The following CROT variants were observed in gnomAD, a reference collection of about 807,000 sequenced individuals.
CROT encodes peroxisomal carnitine O-octanoyltransferase.
In CROT, 84 loss-of-function variants were observed where a neutral mutation model predicts 89.2. The observed-to-expected ratio is 0.94, with a 90% CI of 0.79 to 1.13. CROT has a LOEUF of 1.13. CROT is among the 50% of genes most tolerant of loss of function. CROT has a pLI of 0.00. For synonymous variants in CROT, 212 were observed against 239.5 expected, an observed-to-expected ratio of 0.89 and a Z score of 1.06; for missense variants, 711 against 727.8, an observed-to-expected ratio of 0.98 and a Z score of 0.27.
chr7:87,378,586 A>G (rs1433530292), intron 10 of CROT, among the ~76,000 whole-genome samples: 1 of 152,138 alleles, frequency 6.6e-6, no homozygotes, highest in Non-Finnish European at 1.5e-5. Context: ...TGATTGTTGT[A>G]CCAACAGTCT....
chr7:87,365,936 C>T (rs939480095), intron 6 of CROT, among the ~76,000 whole-genome samples: 5 of 151,918 alleles, frequency 3.3e-5, no homozygotes, highest in Non-Finnish European at 5.9e-5. Flanking sequence ...TACCTACCCC[C>T]TAGGAGACCA....
At chr7:87,353,764 G>C (rs888643483) in intron 3 of CROT, among the ~76,000 whole-genome samples, 2 of 152,070 alleles carry the variant, frequency 1.3e-5, no homozygotes, top group Admixed American at 6.5e-5. Context: ...ACCAGATCTG[G>C]TGTGAATCAG....
intron 17 of CROT, among the ~76,000 whole-genome samples, chr7:87,397,358 A>AT (rs1807567827): frequency 6.6e-6 from 1 of 151,932 alleles, no homozygotes; most frequent in Admixed American, 6.6e-5. Flanking sequence ...CTCAAAAAAA[A>AT]AAAAAGTATT....
intron 17 of CROT, among the ~76,000 whole-genome samples, chr7:87,396,104 C>A (rs1161429743): frequency 6.6e-6 from 1 of 151,404 alleles, no homozygotes; most frequent in Non-Finnish European, 1.5e-5. Context: ...GTCGATATGG[C>A]AAAAAAAAGT....
chr7:87,359,781 T>A, intron 4 of CROT: 1 of 985,512 alleles, frequency 1.0e-6, no homozygotes, highest in Non-Finnish European at 1.2e-6. Flanking sequence ...TTATGTATAT[T>A]GTATATTTCA....
At chr7:87,398,124 T>G (rs1807604400) in intron 17 of CROT, among the ~76,000 whole-genome samples, 1 of 152,024 alleles carries the variant, frequency 6.6e-6, no homozygotes, top group South Asian at 2.1e-4. Context: ...TTTCAAACTT[T>G]CTTCAAGTAC....
At chr7:87,364,257 G>A (rs1239166148) in intron 6 of CROT, among the ~76,000 whole-genome samples, 1 of 152,162 alleles carries the variant, frequency 6.6e-6, no homozygotes, top group East Asian at 1.9e-4. Context: ...TTACTTTTGG[G>A]ACATATGTAA....
chr7:87,373,403 T>A (rs916811828), intron 7 of CROT, among the ~76,000 whole-genome samples: 1 of 152,126 alleles, frequency 6.6e-6, no homozygotes, highest in South Asian at 2.1e-4. Flanking sequence ...CCTCTTTTGA[T>A]GCACAATATT....
chr7:87,361,248 TC>T, intron 4 of CROT, 141 bp from the exon 5 acceptor site: 1 of 808,034 alleles, frequency 1.2e-6, no homozygotes, highest in Non-Finnish European at 1.9e-6. Context: ...TAGGTGTGAG[TC>T]ACCTCACCCA....
At chr7:87,378,542 T>C (rs1391703755) in intron 10 of CROT, among the ~76,000 whole-genome samples, 1 of 152,216 alleles carries the variant, frequency 6.6e-6, no homozygotes, top group African/African-American at 2.4e-5. Context: ...TGCTTTCTTT[T>C]GTTTGGCCTC....
chr7:87,380,058 C>A (rs1180820762), intron 10 of CROT, among the ~76,000 whole-genome samples: 1 of 152,086 alleles, frequency 6.6e-6, no homozygotes, highest in East Asian at 1.9e-4. Flanking sequence ...TTGCAGTGAG[C>A]CATGGTTGTA....
At chr7:87,364,909 G>A (rs1806390650) in intron 6 of CROT, among the ~76,000 whole-genome samples, 1 of 152,136 alleles carries the variant, frequency 6.6e-6, no homozygotes, top group Non-Finnish European at 1.5e-5. Context: ...AAGAACTGAG[G>A]TCATCCACTG....
intron 17 of CROT, 40 bp from the exon 18 acceptor site, chr7:87,398,484 G>A: frequency 6.2e-7 from 1 of 1,609,982 alleles, no homozygotes; most frequent in Non-Finnish European, 8.5e-7. Context: ...ACTATTTGGA[G>A]CCTTTTGTGT....
At chr7:87,376,062 T>C in intron 9 of CROT, 109 bp downstream of exon 9, 1 of 1,027,790 alleles carries the variant, frequency 9.7e-7, no homozygotes, top group Middle Eastern at 3.1e-4. Flanking sequence ...CTCTTGAAAC[T>C]TTTTCTTAGT....
At chr7:87,363,958 C>T (rs570733029) in intron 6 of CROT, among the ~76,000 whole-genome samples, 1 of 152,102 alleles carries the variant, frequency 6.6e-6, no homozygotes, top group Non-Finnish European at 1.5e-5. Context: ...AAATAGGAAT[C>T]AGATTACTTC....
chr7:87,358,338 C>T (rs1000158745), intron 3 of CROT, among the ~76,000 whole-genome samples: 5 of 150,516 alleles, frequency 3.3e-5, no homozygotes, highest in Non-Finnish European at 3.0e-5. Context: ...AAAAAAGAGC[C>T]AGGAGTGGTG....
intron 17 of CROT, chr7:87,398,245 G>A (rs1807609850): frequency 1.2e-5 from 7 of 575,708 alleles, no homozygotes; most frequent in South Asian, 1.1e-4. Context: ...TTTTTGTTCT[G>A]TTTTAAACGC....
At chr7:87,365,235 T>C (rs1806399212) in intron 6 of CROT, among the ~76,000 whole-genome samples, 1 of 152,168 alleles carries the variant, frequency 6.6e-6, no homozygotes, top group South Asian at 2.1e-4. Flanking sequence ...ATGCCTGTAA[T>C]CCCAGCACTT....
chr7:87,398,253 C>T lies in CROT; in HGVS notation c.1719-271C>T, dbSNP rs937600110. 20 of 594,186 alleles carry T rather than the reference C, an allele frequency of 3.4e-5. No homozygotes were observed. The Admixed American group carries it at 3.5e-4, about 10-fold the overall frequency. The allele number at this position is 594,186 out of a possible 1,614,324, so 36.8% of individuals were successfully genotyped here. On this transcript the variant is annotated intron_variant, in intron 17 of 17. Coordinates refer to ENST00000331536, the MANE Select transcript of CROT (RefSeq NM_021151.4). ...AGGAGGTTTTTTGTTCTGTTTTAAA[C>T]GCAGTAAGACCTAGCTTCAGAGCAC...
Sources: gnomAD v4.1 joint callset for allele counts (sites outside exome capture counted in the v4.1 genomes callset) on GRCh38, gnomAD v4.1.1 for gene constraint, MANE v1.5 for transcripts, NCBI Gene and HGNC (gene_info 2026-07-23, HGNC 2026-07-21) for gene names.